KDM4B: variants seen among roughly 807,000 people sequenced by gnomAD.
KDM4B encodes the protein lysine demethylase 4B, also known as lysine-specific demethylase 4B.
Under a neutral mutation model 125.2 loss-of-function variants are expected in KDM4B, and 32 were observed. That is an observed-to-expected ratio of 0.26 (90% CI 0.19 to 0.34). The LOEUF (loss-of-function observed/expected upper bound fraction) is 0.34. Ranked by LOEUF, KDM4B falls within the 10% of genes least tolerant of loss-of-function variation. The probability of loss-of-function intolerance (pLI) is 1.00; values close to 1 mark genes in which losing one functional copy is unlikely to be tolerated. For missense variants in KDM4B, 1,190 were observed against 1,577.7 expected (o/e 0.75, Z 4.16); for synonymous variants, 721 against 677.9 (o/e 1.06, Z -0.99).
chr19:5,119,512 G>C (rs1002965132), intron 10 of KDM4B, 141 bp from the exon 11 acceptor site: 5 of 849,650 alleles, frequency 5.9e-6, no homozygotes, highest in Non-Finnish European at 9.7e-6. Context: ...CTTTACCCCC[G>C]GCCTCCAGCC....
Position 5,122,203 on chromosome 19 carries a change from C to T in KDM4B, c.1315+2351C>T, listed in dbSNP as rs1246836082. On this transcript the variant is annotated intron_variant, in intron 11 of 22. Transcript: ENST00000159111. Reference sequence around the variant, plus strand: ...TCCTGCCTGTCTCAGTGTCTAGAGGCGCCCACATCTCTTGGCTCAGAGCCC... The same window carrying T: ...TCCTGCCTGTCTCAGTGTCTAGAGGTGCCCACATCTCTTGGCTCAGAGCCC... Among the ~76,000 whole-genome samples the T allele has an allele frequency of 5.9e-5, 9 of 152,184 alleles. No individual in the cohort carries two copies. In the East Asian group the frequency reaches 1.7e-3, roughly 29 times the overall value.
At chr19:5,130,146 G>A (rs2039517094) in intron 11 of KDM4B, among the ~76,000 whole-genome samples, 1 of 152,126 alleles carries the variant, frequency 6.6e-6, no homozygotes, top group Admixed American at 6.5e-5. Context: ...GCCTCATCTT[G>A]TGAGGGCCTT....
intron 18 of KDM4B, among the ~76,000 whole-genome samples, chr19:5,140,023 C>T (rs552478772): frequency 8.6e-4 from 131 of 152,318 alleles, no homozygotes; most frequent in Non-Finnish European, 1.4e-3. Context: ...CTCTGTGCCT[C>T]GGCCGTCCCT....
At chr19:5,128,892 C>T (rs936491171) in intron 11 of KDM4B, among the ~76,000 whole-genome samples, 3 of 151,366 alleles carry the variant, frequency 2.0e-5, no homozygotes, top group Non-Finnish European at 3.0e-5. Flanking sequence ...GCGGGGGGCC[C>T]GGATACCAGC....
intron 3 of KDM4B, among the ~76,000 whole-genome samples, chr19:5,033,758 C>T (rs529216375): frequency 6.6e-6 from 1 of 152,312 alleles, no homozygotes; most frequent in East Asian, 1.9e-4. Context: ...TTCTCTCTCT[C>T]TCTCTCGGCA....
At chr19:5,047,794 A>C in intron 6 of KDM4B, 125 bp downstream of exon 6, 1 of 916,856 alleles carries the variant, frequency 1.1e-6, no homozygotes, top group South Asian at 1.6e-5. Context: ...AGGTCGGCCT[A>C]TGACGGCTGG....
chr19:5,145,136 C>T (rs1568326385), intron 21 of KDM4B, among the ~76,000 whole-genome samples: 2 of 152,112 alleles, frequency 1.3e-5, no homozygotes, highest in South Asian at 2.1e-4. Flanking sequence ...GGTGACATTT[C>T]CCTTTGAGAC....
At chr19:5,059,819 C>T (rs2037528064) in intron 6 of KDM4B, among the ~76,000 whole-genome samples, 1 of 152,144 alleles carries the variant, frequency 6.6e-6, no homozygotes, top group Non-Finnish European at 1.5e-5. Context: ...TAGATGGGAG[C>T]CTCCACAGCC....
intron 9 of KDM4B, among the ~76,000 whole-genome samples, chr19:5,107,059 C>A (rs2094708329): frequency 9.2e-5 from 14 of 152,236 alleles, no homozygotes; most frequent in Admixed American, 9.2e-4. Context: ...TGAGTCCCCA[C>A]CTCCTGGTCT....
chr19:5,128,199 G>A (rs1362547532), intron 11 of KDM4B, among the ~76,000 whole-genome samples: 2 of 151,954 alleles, frequency 1.3e-5, no homozygotes, highest in Admixed American at 6.6e-5. Flanking sequence ...GTGTGTGAGG[G>A]GTGGGTGGGG....
intron 6 of KDM4B, among the ~76,000 whole-genome samples, chr19:5,060,448 AAAAAAAAAAAAAAAAG>A (rs1051260892): frequency 1.0e-4 from 15 of 143,218 alleles, no homozygotes; most frequent in South Asian, 4.5e-4. Context: ...AAAAAAAAAA[AAAAAAAAAAAAAAAAG>A]GGAGCCATGA....
Position 5,141,776 on chromosome 19 carries a change from C to A in KDM4B, c.2551-2191C>A, listed in dbSNP as rs1353329773. ...GGCCGTGCTGCTGAGAAGCTTCTCA[C>A]CTACCGGCTGGGCAGGTTCCTGGCA... is the stretch of plus-strand genomic sequence containing the variant. On this transcript the variant is annotated intron_variant, in intron 18 of 22. Coordinates refer to ENST00000159111, the MANE Select transcript of KDM4B (RefSeq NM_015015.3). This position sits in a 1 kb window ranked among gnomAD's most constrained non-coding sequence, Gnocchi z 6.4. Among the ~76,000 whole-genome samples, 1 of 152,194 alleles carries A rather than the reference C, an allele frequency of 6.6e-6. No homozygotes were observed. Among genetic ancestry groups the A allele is most frequent in the African/African-American group, 2.4e-5 (1 of 41,448 alleles).
At chr19:5,087,543 C>T (rs1212952038) in intron 9 of KDM4B, among the ~76,000 whole-genome samples, 3 of 152,226 alleles carry the variant, frequency 2.0e-5, no homozygotes, top group African/African-American at 4.8e-5. Flanking sequence ...GGGCCACTTC[C>T]GAGGTCAGTC....
chr19:5,116,194 A>G (rs962305638), intron 10 of KDM4B, among the ~76,000 whole-genome samples: 2 of 133,390 alleles, frequency 1.5e-5, no homozygotes, highest in Non-Finnish European at 3.1e-5. Context: ...TGAGGCCCAG[A>G]GTTCGAGGTC....
intron 6 of KDM4B, among the ~76,000 whole-genome samples, chr19:5,065,891 C>A (rs112197863): frequency 3.3e-5 from 5 of 152,276 alleles, no homozygotes; most frequent in Middle Eastern, 3.4e-3. Flanking sequence ...TCGCAGCATC[C>A]CCCGGGCAGC....
chr19:5,100,854 G>A lies in KDM4B; in HGVS notation c.919-9768G>A, dbSNP rs531833843. 1.9e-4 allele frequency among the ~76,000 whole-genome samples: 29 copies of A among 152,138 alleles called. No individual in the cohort carries two copies. In the South Asian group the frequency reaches 4.6e-3, roughly 24 times the overall value. On this transcript the variant is annotated intron_variant, in intron 9 of 22. Transcript: ENST00000159111. ...GAATATTCCTTTTGTTATAAGCCCC[G>A]TTCTTCTTTCATGATGTAGTATCTT...
intron 6 of KDM4B, among the ~76,000 whole-genome samples, chr19:5,056,405 C>CTTT (rs941745686): frequency 7.3e-6 from 1 of 136,310 alleles, no homozygotes; most frequent in African/African-American, 2.7e-5. Context: ...CCCTTTCTTT[C>CTTT]TTTTTTTTTT....
At chr19:5,091,152 G>A (rs758495068) in intron 9 of KDM4B, among the ~76,000 whole-genome samples, 24 of 152,256 alleles carry the variant, frequency 1.6e-4, no homozygotes, top group African/African-American at 4.1e-4. Flanking sequence ...CTCAGCACGC[G>A]GCCGGGCTGG....
At position 5,131,264 on chromosome 19, in the gene KDM4B, C is replaced by A. The variant is rs748843584; in HGVS notation, c.1504C>A (p.Leu502Met). 4 of 1,610,130 alleles carry A rather than the reference C, an allele frequency of 2.5e-6. No individual in the cohort carries two copies. In the African/African-American group the frequency reaches 5.3e-5, roughly 22 times the overall value. ...CCCTGCAGCCATGGAGGAGAGCCCCCTGCCGGCACCCCTTAATGTCGTGCC... is the reference window on the plus strand; with the variant it reads ...CCCTGCAGCCATGGAGGAGAGCCCCATGCCGGCACCCCTTAATGTCGTGCC... Reference protein sequence around the residue: ...PGPAAMEESPLPAPLNVVPPE... With the variant: ...PGPAAMEESPMPAPLNVVPPE... Residue 502 changes from leucine to methionine, a missense_variant, in exon 12 of 23, where the codon CTG (leucine) becomes ATG (methionine). Physicochemically the swap from Leu to Met is conservative, Grantham distance 15. This residue lies in a region of KDM4B where 428 missense variants were observed against 405.1 expected (regional missense o/e 1.06). Coordinates refer to ENST00000159111, the MANE Select transcript of KDM4B (RefSeq NM_015015.3).
Sources: allele counts gnomAD v4.1 joint callset (sites outside exome capture counted in the v4.1 genomes callset), GRCh38; gene constraint gnomAD v4.1.1; regional missense constraint gnomAD v4.1.1; non-coding constraint Gnocchi (gnomAD v3.1); transcripts MANE v1.5; gene names NCBI Gene and HGNC (gene_info 2026-07-23, HGNC 2026-07-21).